Variants in PIK3R3 observed in about 807,000 individuals in gnomAD.
The protein encoded by PIK3R3 is phosphatidylinositol 3-kinase regulatory subunit gamma.
PIK3R3 carries 64 observed loss-of-function variants against 62.9 expected under a neutral mutation model. The ratio of observed to expected loss-of-function variants is 1.02; its 90% CI spans 0.83 to 1.25. The LOEUF (loss-of-function observed/expected upper bound fraction) is 1.25, where lower values mean the gene tolerates loss of function less well. Ranked by LOEUF, PIK3R3 falls within the 50% of genes most tolerant of loss-of-function variation. The pLI is 0.00. For missense variants in PIK3R3, 614 were observed against 561.6 expected, an observed-to-expected ratio of 1.09 and a Z score of -0.94; for synonymous variants, 165 against 189.0, an observed-to-expected ratio of 0.87 and a Z score of 1.04.
chr1:46,167,690 G>A, the PIK3R3 span, among the ~76,000 whole-genome samples: 1 of 152,196 alleles, frequency 6.6e-6, no homozygotes, highest in South Asian at 2.1e-4. Context: ...TGCTCACAGA[G>A]CACAGGCATC....
chr1:46,045,661 A>G lies in PIK3R3; in HGVS notation c.1187+257T>C, dbSNP rs1032196217. Among the ~76,000 whole-genome samples the G allele has an allele frequency of 5.8e-5, 6 of 102,902 alleles. No individual in the cohort carries two copies. In the East Asian group the frequency reaches 1.6e-3, roughly 27 times the overall value. The allele number at this position is 102,902 out of a possible 152,430, so 67.5% of individuals were successfully genotyped here. On this transcript the variant is annotated intron_variant, in intron 9 of 9. Transcript: ENST00000262741. ...TTTTTTTTTCAATTTAAGATCTCAC[A>G]TTACCTTTCACAGACACCTGAAATC... is the stretch of plus-strand genomic sequence containing the variant.
At chr1:46,119,349 G>T (rs1654463431) in intron 1 of PIK3R3, among the ~76,000 whole-genome samples, 1 of 152,188 alleles carries the variant, frequency 6.6e-6, no homozygotes, top group Non-Finnish European at 1.5e-5. Context: ...GTACTTGACA[G>T]TTATTAATCT....
intron 1 of PIK3R3, among the ~76,000 whole-genome samples, chr1:46,097,145 TG>T (rs2149436682): frequency 6.6e-6 from 1 of 152,306 alleles, no homozygotes; most frequent in African/African-American, 2.4e-5. Context: ...AATGCAAGAT[TG>T]GCTCAACAAA....
intron 3 of PIK3R3, among the ~76,000 whole-genome samples, chr1:46,072,061 A>G (rs1382647649): frequency 6.6e-6 from 1 of 152,058 alleles, no homozygotes; most frequent in Non-Finnish European, 1.5e-5. Flanking sequence ...TATCCCCTTC[A>G]AGATATTCTG....
chr1:46,149,899 C>G, the PIK3R3 span, among the ~76,000 whole-genome samples: 1 of 152,320 alleles, frequency 6.6e-6, no homozygotes, highest in African/African-American at 2.4e-5. Context: ...GAATAATCCA[C>G]TCCTTATTTA....
chr1:46,080,189 G>A (rs984006765), intron 2 of PIK3R3, among the ~76,000 whole-genome samples: 1 of 150,906 alleles, frequency 6.6e-6, no homozygotes, highest in Non-Finnish European at 1.5e-5. Flanking sequence ...AGCCTCCCAA[G>A]TAGCTGGGAT....
chr1:46,146,019 G>A, the PIK3R3 span, among the ~76,000 whole-genome samples: 1 of 152,242 alleles, frequency 6.6e-6, no homozygotes, highest in Non-Finnish European at 1.5e-5. Flanking sequence ...GGTAGGCTCA[G>A]AGAAGAGCCA....
intron 1 of PIK3R3, among the ~76,000 whole-genome samples, chr1:46,124,824 G>A (rs907994692): frequency 6.6e-5 from 10 of 151,196 alleles, no homozygotes; most frequent in East Asian, 1.9e-4. Context: ...AAGGCCGGGC[G>A]TGGTGGCTCA....
At chr1:46,091,955 G>GT (rs1247966919) in intron 1 of PIK3R3, among the ~76,000 whole-genome samples, 1 of 151,500 alleles carries the variant, frequency 6.6e-6, no homozygotes, top group Non-Finnish European at 1.5e-5. Context: ...ATTTTTATTG[G>GT]TTTTTTTCAC....
intron 5 of PIK3R3, among the ~76,000 whole-genome samples, chr1:46,064,429 T>C (rs1648807400): frequency 6.6e-6 from 1 of 151,692 alleles, no homozygotes; most frequent in South Asian, 2.1e-4. Flanking sequence ...TAATCCCAGC[T>C]ATTCGGGAGG....
intron 1 of PIK3R3, among the ~76,000 whole-genome samples, chr1:46,100,151 A>C (rs1652518908): frequency 6.6e-6 from 1 of 152,164 alleles, no homozygotes; most frequent in Admixed American, 6.5e-5. Flanking sequence ...ATTTTAATCT[A>C]GACATATTTA....
intron 1 of PIK3R3, among the ~76,000 whole-genome samples, chr1:46,130,329 C>G (rs566040050): frequency 1.3e-5 from 2 of 152,214 alleles, no homozygotes; most frequent in South Asian, 4.2e-4. Context: ...ACAAATGTAT[C>G]TAACATGCTT....
At chr1:46,140,094 T>G in the PIK3R3 span, among the ~76,000 whole-genome samples, 122 of 152,286 alleles carry the variant, frequency 8.0e-4, 1 homozygote, top group Admixed American at 9.2e-4. Context: ...GCTCAAGCAA[T>G]CCTCCTGCTT....
chr1:46,094,449 C>A (rs1165168124), intron 1 of PIK3R3, among the ~76,000 whole-genome samples: 1 of 151,666 alleles, frequency 6.6e-6, no homozygotes, highest in East Asian at 1.9e-4. Context: ...TTTTGAAAGC[C>A]TAAAAATAAA....
intron 5 of PIK3R3, among the ~76,000 whole-genome samples, chr1:46,064,413 C>A (rs955751669): frequency 6.7e-6 from 1 of 148,516 alleles, no homozygotes; most frequent in East Asian, 2.0e-4. Context: ...TGGTGGTGCA[C>A]GCCTGTAATC....
At position 46,090,493 on chromosome 1, in the gene PIK3R3, G is replaced by A. The variant is rs1173137519; in HGVS notation, c.107-9743C>T. On this transcript the variant is annotated intron_variant, in intron 1 of 9. Coordinates refer to ENST00000262741, the MANE Select transcript of PIK3R3 (RefSeq NM_003629.4). The stretch of plus-strand genomic sequence containing the variant: ...ACTACAGGTGTGTGCCACCATGCCC[G>A]GCTAGTTTTTTTGTATTTTTAGTAG... 9.2e-5 allele frequency among the ~76,000 whole-genome samples: 14 copies of A among 151,800 alleles called. No homozygotes were observed. The South Asian group carries it at 1.0e-3, about 11-fold the overall frequency.
intron 1 of PIK3R3, among the ~76,000 whole-genome samples, chr1:46,094,322 G>C (rs61782914): frequency 6.6e-6 from 1 of 152,044 alleles, no homozygotes; most frequent in Non-Finnish European, 1.5e-5. Context: ...AAAATGAAGT[G>C]AATTAGAACT....
intron 1 of PIK3R3, among the ~76,000 whole-genome samples, chr1:46,093,681 G>A (rs1651849580): frequency 6.6e-6 from 1 of 151,898 alleles, no homozygotes; most frequent in African/African-American, 2.4e-5. Context: ...CTTGAGTCCA[G>A]GAGTTTAAGA....
At chr1:46,058,731 G>GT in intron 6 of PIK3R3, among the ~76,000 whole-genome samples, 1 of 152,202 alleles carries the variant, frequency 6.6e-6, no homozygotes, top group East Asian at 1.9e-4. Flanking sequence ...TACCCCCACT[G>GT]TATCTAGGAA....
Sources: allele counts gnomAD v4.1 joint callset (sites outside exome capture counted in the v4.1 genomes callset), GRCh38; gene constraint gnomAD v4.1.1; transcripts MANE v1.5; gene names NCBI Gene and HGNC (gene_info 2026-07-23, HGNC 2026-07-21).